PEDS1: variants seen among roughly 807,000 people sequenced by gnomAD.
PEDS1 encodes the protein plasmanylethanolamine desaturase 1, also known as CarF homolog.
Under a neutral mutation model 35.2 loss-of-function variants are expected in PEDS1, and 14 were observed. The observed-to-expected ratio is 0.40, with a 90% confidence interval of 0.26 to 0.62. The LOEUF (loss-of-function observed/expected upper bound fraction) is 0.62, where lower values mean the gene tolerates loss of function less well. Among genes scored for constraint, PEDS1 ranks in the 20% least tolerant of loss-of-function variants. The pLI is 0.44. For synonymous variants in PEDS1, 152 were observed against 152.0 expected, an observed-to-expected ratio of 1.00 and a Z score of 0.00; for missense variants, 260 against 367.8, an observed-to-expected ratio of 0.71 and a Z score of 2.40.
At chr20:50,133,411 G>A (rs2081199913) in intron 2 of PEDS1, among the ~76,000 whole-genome samples, 1 of 152,172 alleles carries the variant, frequency 6.6e-6, no homozygotes, top group African/African-American at 2.4e-5. Flanking sequence ...AGACGCCTAA[G>A]GACAGGCTGA....
chr20:50,128,685 A>G lies in PEDS1; in HGVS notation c.479-498T>C, dbSNP rs1173786969. Among the ~76,000 whole-genome samples the G allele has an allele frequency of 6.6e-6, 1 of 152,198 alleles. No individual in the cohort carries two copies. Among genetic ancestry groups the G allele is most frequent in the African/African-American group, 2.4e-5 (1 of 41,450 alleles). The stretch of plus-strand genomic sequence containing the variant: ...GCAAGACACGGCAGGGGAAGAGCAG[A>G]GCAAAGATGGGGTGGGTGGCGTCCT... On this transcript the variant is annotated intron_variant, in intron 4 of 5. Coordinates refer to ENST00000371652, the MANE Select transcript of PEDS1 (RefSeq NM_199129.4). This position sits in a 1 kb window ranked among gnomAD's most constrained non-coding sequence, Gnocchi z 5.2.
chr20:50,144,435 T>C (rs903862949), intron 1 of PEDS1, among the ~76,000 whole-genome samples: 1 of 152,172 alleles, frequency 6.6e-6, no homozygotes, highest in African/African-American at 2.4e-5. Flanking sequence ...CAGGAATTCA[T>C]GGACAAATAG....
At chr20:50,137,493 G>A (rs1361392725) in intron 2 of PEDS1, among the ~76,000 whole-genome samples, 2 of 152,096 alleles carry the variant, frequency 1.3e-5, no homozygotes, top group Non-Finnish European at 2.9e-5. Flanking sequence ...CTCATAACCC[G>A]TAACCCCAGT....
At position 50,124,166 on chromosome 20, in the gene PEDS1, G is replaced by A. The variant is rs1341882028; in HGVS notation, c.*892C>T. On this transcript the variant is annotated 3_prime_UTR_variant, in exon 6 of 6. Coordinates refer to ENST00000371652, the MANE Select transcript of PEDS1 (RefSeq NM_199129.4). Reference sequence around the variant, plus strand: ...CCAGGAAACACCACGAGGCAGCCAAGGTTAAGTAGACTCTTGCTGCTTTGT... The same window carrying A: ...CCAGGAAACACCACGAGGCAGCCAAAGTTAAGTAGACTCTTGCTGCTTTGT... The A allele has an allele frequency of 2.0e-5, 3 of 152,538 alleles. No homozygotes were observed. Among genetic ancestry groups the A allele is most frequent in the East Asian group, 3.8e-4 (2 of 5,196 alleles). 9.4% of individuals were successfully genotyped at this position (152,538 alleles called of 1,614,324 possible).
intron 2 of PEDS1, among the ~76,000 whole-genome samples, chr20:50,142,689 C>CG (rs140590269): frequency 2.1e-5 from 2 of 94,220 alleles, no homozygotes; most frequent in Non-Finnish European, 4.9e-5. Context: ...TCCGCCCCCC[C>CG]CCCCCCGCCC....
At chr20:50,127,220 C>A (rs1343443741) in intron 5 of PEDS1, among the ~76,000 whole-genome samples, 1 of 152,204 alleles carries the variant, frequency 6.6e-6, no homozygotes, top group Non-Finnish European at 1.5e-5. Flanking sequence ...CTTCTCCCAC[C>A]CCTGCTTTAT....
intron 2 of PEDS1, among the ~76,000 whole-genome samples, chr20:50,136,101 A>ATTTT (rs1569045234): frequency 6.7e-6 from 1 of 149,072 alleles, no homozygotes; most frequent in East Asian, 2.0e-4. Context: ...CTTTTTTTAA[A>ATTTT]AAAAAAAACC....
intron 2 of PEDS1, among the ~76,000 whole-genome samples, chr20:50,137,832 C>A (rs940865221): frequency 2.0e-5 from 3 of 152,198 alleles, no homozygotes; most frequent in East Asian, 1.9e-4. Context: ...GATTGCGCCA[C>A]TGCACTCCAG....
intron 2 of PEDS1, among the ~76,000 whole-genome samples, chr20:50,133,675 T>C (rs1414274860): frequency 6.6e-6 from 1 of 152,232 alleles, no homozygotes; most frequent in Non-Finnish European, 1.5e-5. Flanking sequence ...TGCTGGCTCC[T>C]CCTCGGCCTT....
At position 50,121,130 on chromosome 20, in the gene PEDS1, C is replaced by T. The variant is rs1355921009; in HGVS notation, c.*3928G>A. On this transcript the variant is annotated 3_prime_UTR_variant, in exon 6 of 6. Coordinates refer to ENST00000371652, the MANE Select transcript of PEDS1 (RefSeq NM_199129.4). ...TTTTGCCCACAGTACGTTTTAAACACGGAGCCAGCATTTTTAAAGTTTAGA... is the reference window on the plus strand; with the variant it reads ...TTTTGCCCACAGTACGTTTTAAACATGGAGCCAGCATTTTTAAAGTTTAGA... The T allele has an allele frequency of 1.3e-5, 2 of 152,252 alleles. No homozygotes were observed. The highest frequency in any genetic ancestry group is 2.1e-4 in the South Asian group (1 of 4,834). 9.4% of individuals were successfully genotyped at this position (152,252 alleles called of 1,614,324 possible).
Position 50,124,918 on chromosome 20 carries a change from G to T in PEDS1, c.*140C>A. ...GGCTCAAGTATTCTGTGTCATGAGGGGTGGGCTGGGGTACCTGGGCCCAGC... is the reference window on the plus strand; with the variant it reads ...GGCTCAAGTATTCTGTGTCATGAGGTGTGGGCTGGGGTACCTGGGCCCAGC... On this transcript the variant is annotated 3_prime_UTR_variant, in exon 6 of 6. Coordinates refer to ENST00000371652, the MANE Select transcript of PEDS1 (RefSeq NM_199129.4). The T allele has an allele frequency of 1.8e-6, 2 of 1,119,144 alleles. No individual in the cohort carries two copies. Among genetic ancestry groups the T allele is most frequent in the Non-Finnish European group, 2.6e-6 (2 of 776,746 alleles). The allele number at this position is 1,119,144 out of a possible 1,614,324, so 69.3% of individuals were successfully genotyped here.
At chr20:50,132,733 A>C (rs2081192894) in intron 2 of PEDS1, among the ~76,000 whole-genome samples, 1 of 152,088 alleles carries the variant, frequency 6.6e-6, no homozygotes, top group African/African-American at 2.4e-5. Flanking sequence ...AGCTCTTGGC[A>C]CCTATTCAGA....
rs113260813 is a variant in PEDS1, at chr20:50,150,991, C to T, written c.121+2526G>A. 3.1e-3 allele frequency among the ~76,000 whole-genome samples: 467 copies of T among 152,172 alleles called. 4 individuals carry two copies. The highest frequency in any genetic ancestry group is 0.011 in the African/African-American group (437 of 41,528). On this transcript the variant is annotated intron_variant, in intron 1 of 5. Transcript: ENST00000371652. ...GATTACGGGTGTGAGCCACCGCGCC[C>T]GGCCAGCTCCATTTTTTTCTGTCTT...
chr20:50,151,532 C>T (rs145182342), intron 1 of PEDS1, among the ~76,000 whole-genome samples: 30 of 152,276 alleles, frequency 2.0e-4, no homozygotes, highest in Non-Finnish European at 3.7e-4. Flanking sequence ...AGAGGTGAGG[C>T]GGATCCCCCA....
intron 2 of PEDS1, among the ~76,000 whole-genome samples, chr20:50,140,053 C>T (rs923914734): frequency 1.6e-4 from 24 of 152,178 alleles, no homozygotes; most frequent in African/African-American, 5.5e-4. Context: ...CCTGCTCTGC[C>T]GATGACCTCT....
Position 50,129,027 on chromosome 20 carries a change from G to T in PEDS1, c.478+519C>A, listed in dbSNP as rs1370082165. The stretch of plus-strand genomic sequence containing the variant: ...AGAACAAATGGGTGTTAAGGTGCTG[G>T]AACAGGACCGGGCCCCAACCTACCT... On this transcript the variant is annotated intron_variant, in intron 4 of 5. Transcript: ENST00000371652. The surrounding 1 kb of genome is among the most constrained non-coding windows in gnomAD (Gnocchi z 4.2). 2.0e-5 allele frequency among the ~76,000 whole-genome samples: 3 copies of T among 152,212 alleles called. No individual in the cohort carries two copies. The highest frequency in any genetic ancestry group is 7.2e-5 in the African/African-American group (3 of 41,446).
intron 2 of PEDS1, among the ~76,000 whole-genome samples, chr20:50,135,019 C>T (rs2081218748): frequency 1.3e-5 from 2 of 151,816 alleles, no homozygotes; most frequent in Non-Finnish European, 2.9e-5. Flanking sequence ...CCCGTCTTTA[C>T]TAAAAACACA....
Position 50,142,262 on chromosome 20 carries a change from G to A in PEDS1, c.241+1240C>T, listed in dbSNP as rs181023272. ...ATCAATTCAAAAAATACTGAGCACCGGCTGTGTGCCAGGCCTGAGGCTTGA... is the reference window on the plus strand; with the variant it reads ...ATCAATTCAAAAAATACTGAGCACCAGCTGTGTGCCAGGCCTGAGGCTTGA... On this transcript the variant is annotated intron_variant, in intron 2 of 5. Transcript: ENST00000371652. Among the ~76,000 whole-genome samples, 298 of 152,290 alleles carry A rather than the reference G, an allele frequency of 2.0e-3. 1 individual carries two copies. The highest frequency in any genetic ancestry group is 6.8e-3 in the Middle Eastern group (2 of 294).
chr20:50,135,274 G>A (rs1179105425), intron 2 of PEDS1, among the ~76,000 whole-genome samples: 1 of 152,214 alleles, frequency 6.6e-6, no homozygotes, highest in African/African-American at 2.4e-5. Flanking sequence ...CTCTGCAGCT[G>A]TAGTGTGAAG....
Sources: allele counts gnomAD v4.1 joint callset (sites outside exome capture counted in the v4.1 genomes callset), GRCh38; gene constraint gnomAD v4.1.1; non-coding constraint Gnocchi (gnomAD v3.1); transcripts MANE v1.5; gene names NCBI Gene and HGNC (gene_info 2026-07-23, HGNC 2026-07-21).